The following ADGRV1 variants were observed in gnomAD, a reference collection of about 807,000 sequenced individuals.
ADGRV1 encodes the protein adhesion G protein-coupled receptor V1.
ADGRV1 carries 359 observed loss-of-function variants against 596.2 expected under a neutral mutation model. That is an observed-to-expected ratio of 0.60 (90% confidence interval 0.55 to 0.66). The LOEUF (loss-of-function observed/expected upper bound fraction) is 0.66. Ranked by LOEUF, ADGRV1 falls within the 30% of genes least tolerant of loss-of-function variation. The pLI is 0.00. For synonymous variants in ADGRV1, 2,681 were observed against 2,679.2 expected, an observed-to-expected ratio of 1.00 and a Z score of -0.02; for missense variants, 7,274 against 7,575.6, an observed-to-expected ratio of 0.96 and a Z score of 1.48.
chr5:90,672,415 C>G (rs1054106865), intron 21 of ADGRV1, 131 bp from the exon 22 acceptor site: 2 of 600,628 alleles, frequency 3.3e-6, no homozygotes, highest in Middle Eastern at 7.5e-4. Flanking sequence ...GCAGAGGCCT[C>G]GTTAGTCCCT....
chr5:90,627,555 A>G lies in ADGRV1; in HGVS notation c.1017A>G (p.Glu339=). The G allele has an allele frequency of 1.9e-6, 3 of 1,613,752 alleles. No individual in the cohort carries two copies. The highest frequency in any genetic ancestry group is 1.7e-6 in the Non-Finnish European group (2 of 1,179,756). The change falls in exon 7 of 90, where the codon GAA becomes GAG. Residue 339 remains glutamate (E), a synonymous_variant. Coordinates refer to ENST00000405460, the MANE Select transcript of ADGRV1 (RefSeq NM_032119.4). The stretch of plus-strand genomic sequence containing the variant: ...TTGTTTTTCCACCTTTTATTCATGA[A>G]TCTCACTTGAAATTTCAAATAGTTG... ...TTVVFPPFIH[E]SHLKFQIVDD...
intron 87 of ADGRV1, among the ~76,000 whole-genome samples, chr5:91,130,845 G>C (rs1234313744): frequency 1.3e-5 from 2 of 152,220 alleles, no homozygotes; most frequent in Non-Finnish European, 2.9e-5. Flanking sequence ...GTCAAAGTTA[G>C]TTCCACTTAT....
chr5:90,609,620 C>T (rs577543046), intron 1 of ADGRV1, among the ~76,000 whole-genome samples: 1 of 152,008 alleles, frequency 6.6e-6, no homozygotes, highest in African/African-American at 2.4e-5. Flanking sequence ...TCTTGTTCCA[C>T]AGGAGTAATT....
intron 83 of ADGRV1, among the ~76,000 whole-genome samples, chr5:90,963,669 G>C (rs1778210838): frequency 6.6e-6 from 1 of 151,716 alleles, no homozygotes; most frequent in Non-Finnish European, 1.5e-5. Context: ...GAGTCTTGGA[G>C]TAGAAAGGGA....
At chr5:90,765,276 A>C (rs1255188578) in intron 59 of ADGRV1, among the ~76,000 whole-genome samples, 1 of 152,066 alleles carries the variant, frequency 6.6e-6, no homozygotes, top group African/African-American at 2.4e-5. Flanking sequence ...TGCTGAGGGG[A>C]ATGGTGACTG....
chr5:90,864,430 T>G (rs973041242), intron 83 of ADGRV1, among the ~76,000 whole-genome samples: 4 of 152,204 alleles, frequency 2.6e-5, no homozygotes, highest in Non-Finnish European at 5.9e-5. Flanking sequence ...TTAGATGCTT[T>G]TTCTATCCAT....
chr5:90,819,386 T>C (rs1763244354), intron 75 of ADGRV1, among the ~76,000 whole-genome samples: 1 of 151,758 alleles, frequency 6.6e-6, no homozygotes, highest in Non-Finnish European at 1.5e-5. Flanking sequence ...TCATTAATTT[T>C]TTGAAGAGTT....
chr5:90,847,219 G>T (rs1386532934), intron 78 of ADGRV1, among the ~76,000 whole-genome samples: 1 of 151,374 alleles, frequency 6.6e-6, no homozygotes, highest in Non-Finnish European at 1.5e-5. Context: ...ACAGAGTGCT[G>T]ATTGGTGTAT....
At chr5:90,858,716 C>A (rs898576879) in intron 82 of ADGRV1, among the ~76,000 whole-genome samples, 3 of 152,166 alleles carry the variant, frequency 2.0e-5, no homozygotes, top group Admixed American at 1.3e-4. Flanking sequence ...ATATCTTAAA[C>A]AAATATATTT....
At chr5:90,794,666 AG>A (rs1443078849) in intron 70 of ADGRV1, among the ~76,000 whole-genome samples, 2 of 152,198 alleles carry the variant, frequency 1.3e-5, no homozygotes, top group Admixed American at 6.5e-5. Flanking sequence ...AATGCCATCA[AG>A]AACAATAGGC....
chr5:90,900,197 G>A (rs1180029028), intron 83 of ADGRV1, among the ~76,000 whole-genome samples: 1 of 152,046 alleles, frequency 6.6e-6, no homozygotes, highest in Non-Finnish European at 1.5e-5. Flanking sequence ...ATAATAAATA[G>A]AAGGGAATAA....
chr5:90,712,952 A>G (rs1383743861), intron 42 of ADGRV1, among the ~76,000 whole-genome samples: 1 of 151,974 alleles, frequency 6.6e-6, no homozygotes, highest in Non-Finnish European at 1.5e-5. Context: ...GAGTCATCCT[A>G]CTCCATTGCT....
At chr5:90,604,299 C>G (rs1288528619) in intron 1 of ADGRV1, among the ~76,000 whole-genome samples, 1 of 152,076 alleles carries the variant, frequency 6.6e-6, no homozygotes, top group Non-Finnish European at 1.5e-5. Flanking sequence ...CTTTTGCTTT[C>G]TTTCTTACTG....
intron 83 of ADGRV1, among the ~76,000 whole-genome samples, chr5:90,879,964 T>C (rs1224273792): frequency 6.6e-6 from 1 of 151,932 alleles, no homozygotes; most frequent in Non-Finnish European, 1.5e-5. Flanking sequence ...ATAACAATAA[T>C]AATAATAATT....
intron 17 of ADGRV1, among the ~76,000 whole-genome samples, chr5:90,650,969 G>A (rs1232046646): frequency 6.6e-6 from 1 of 152,156 alleles, no homozygotes; most frequent in Non-Finnish European, 1.5e-5. Context: ...AGGCACTTCA[G>A]GGAAGTGATG....
At chr5:90,779,611 A>G (rs1218304205) in intron 64 of ADGRV1, 2 of 152,326 alleles carry the variant, frequency 1.3e-5, no homozygotes, top group Non-Finnish European at 2.9e-5. Context: ...ATTAATGTGC[A>G]CCATGTTTTC....
chr5:90,618,955 G>A (rs1763705937), intron 3 of ADGRV1, 131 bp from the exon 4 acceptor site: 3 of 434,808 alleles, frequency 6.9e-6, no homozygotes, highest in Non-Finnish European at 8.1e-6. Flanking sequence ...TACTTAATCT[G>A]TGCATTAAGA....
intron 85 of ADGRV1, among the ~76,000 whole-genome samples, chr5:91,008,016 G>A (rs971029113): frequency 7.9e-5 from 12 of 152,042 alleles, no homozygotes; most frequent in Non-Finnish European, 1.6e-4. Context: ...ACGTCCTCAG[G>A]ACACTTAAAG....
intron 82 of ADGRV1, among the ~76,000 whole-genome samples, chr5:90,862,515 G>A (rs954904652): frequency 3.9e-5 from 6 of 152,044 alleles, no homozygotes; most frequent in African/African-American, 1.4e-4. Flanking sequence ...AACTCCAGTA[G>A]TATATAGACT....
Sources: allele counts gnomAD v4.1 joint callset (sites outside exome capture counted in the v4.1 genomes callset), GRCh38; gene constraint gnomAD v4.1.1; transcripts MANE v1.5; gene names NCBI Gene and HGNC (gene_info 2026-07-23, HGNC 2026-07-21).